Variants in ZBTB20 observed in about 807,000 individuals in gnomAD.
ZBTB20 encodes zinc finger and BTB domain-containing protein 20.
In ZBTB20, 9 loss-of-function variants were observed where a neutral mutation model predicts 56.9. The ratio of observed to expected loss-of-function variants is 0.16; its 90% CI spans 0.10 to 0.28. The LOEUF is 0.28. Ranked by LOEUF, ZBTB20 falls within the 10% of genes least tolerant of loss-of-function variation. The pLI is 1.00. For synonymous variants in ZBTB20, 417 were observed against 420.7 expected, an observed-to-expected ratio of 0.99 and a Z score of 0.11; for missense variants, 655 against 1,003.0, an observed-to-expected ratio of 0.65 and a Z score of 4.69.
At chr3:114,858,045 G>A (rs1010955419) in intron 4 of ZBTB20, among the ~76,000 whole-genome samples, 2 of 152,170 alleles carry the variant, frequency 1.3e-5, no homozygotes, top group Non-Finnish European at 2.9e-5. Flanking sequence ...CTACATAAGT[G>A]AATACAGTGC....
chr3:114,659,074 T>C (rs965929650), intron 6 of ZBTB20, among the ~76,000 whole-genome samples: 1 of 152,178 alleles, frequency 6.6e-6, no homozygotes, highest in African/African-American at 2.4e-5. Flanking sequence ...TTCCAATATT[T>C]TGTTTTGCTT....
At chr3:114,868,918 G>C (rs557433775) in intron 4 of ZBTB20, among the ~76,000 whole-genome samples, 7 of 152,110 alleles carry the variant, frequency 4.6e-5, no homozygotes, top group Non-Finnish European at 8.8e-5. Context: ...TACCCTAACA[G>C]TCATTTTTTT....
chr3:114,327,642 T>C lies in ZBTB20; in HGVS notation c.*11363A>G, dbSNP rs912677889. ...ATTTCATTGTTCTCTATGGTGTGAG[T>C]TGATGTTATAAACTGGTTTGATTAA... On this transcript the variant is annotated 3_prime_UTR_variant, in exon 12 of 12. Transcript: ENST00000675478. The C allele has an allele frequency of 2.6e-5, 4 of 152,136 alleles. No individual in the cohort carries two copies. The highest frequency in any genetic ancestry group is 9.7e-5 in the African/African-American group (4 of 41,424). The allele number at this position is 152,136 out of a possible 1,614,324, so 9.4% of individuals were successfully genotyped here.
intron 2 of ZBTB20, among the ~76,000 whole-genome samples, chr3:115,013,401 T>C (rs915987416): frequency 1.3e-5 from 2 of 151,530 alleles, no homozygotes; most frequent in Middle Eastern, 3.2e-3. Flanking sequence ...CTGCTATAAA[T>C]AGCTATATAG....
chr3:114,933,030 G>C (rs1227877563), intron 3 of ZBTB20, among the ~76,000 whole-genome samples: 1 of 152,114 alleles, frequency 6.6e-6, no homozygotes, highest in African/African-American at 2.4e-5. Context: ...GCAATGGGGA[G>C]AGACAGGCCC....
chr3:114,554,547 T>C (rs1368911501), intron 6 of ZBTB20, among the ~76,000 whole-genome samples: 1 of 152,172 alleles, frequency 6.6e-6, no homozygotes, highest in Non-Finnish European at 1.5e-5. Flanking sequence ...GAATATCTGA[T>C]GAAGAAAAAG....
intron 6 of ZBTB20, among the ~76,000 whole-genome samples, chr3:114,545,538 T>TAA (rs750719210): frequency 3.9e-5 from 6 of 152,164 alleles, no homozygotes; most frequent in Non-Finnish European, 8.8e-5. Flanking sequence ...TTCTCATTTG[T>TAA]AAATTAGGGA....
chr3:115,029,068 CACAT>C (rs1269041042), intron 2 of ZBTB20, among the ~76,000 whole-genome samples: 1 of 150,020 alleles, frequency 6.7e-6, no homozygotes, highest in Non-Finnish European at 1.5e-5. Context: ...TATACACACA[CACAT>C]ACACACACAC....
At chr3:114,440,763 T>C (rs917950035) in intron 7 of ZBTB20, among the ~76,000 whole-genome samples, 3 of 152,204 alleles carry the variant, frequency 2.0e-5, no homozygotes, top group Admixed American at 1.3e-4. Flanking sequence ...GGCTCTGAAG[T>C]GATACCATGG....
chr3:115,142,280 A>G (rs1395161309), intron 1 of ZBTB20, among the ~76,000 whole-genome samples: 1 of 152,180 alleles, frequency 6.6e-6, no homozygotes, highest in African/African-American at 2.4e-5. Context: ...ATGCAAACAC[A>G]CATCGATCAA....
intron 6 of ZBTB20, among the ~76,000 whole-genome samples, chr3:114,585,659 A>G (rs2107520343): frequency 6.6e-6 from 1 of 152,232 alleles, no homozygotes; most frequent in African/African-American, 2.4e-5. Context: ...CCTAATCCCT[A>G]GGCAGGTGGT....
chr3:114,346,471 A>T (rs1246889439), intron 11 of ZBTB20, among the ~76,000 whole-genome samples: 1 of 152,194 alleles, frequency 6.6e-6, no homozygotes, highest in Non-Finnish European at 1.5e-5. Context: ...AAATTAACTG[A>T]TTTGTTGAAG....
At chr3:114,934,955 A>G (rs1164030833) in intron 3 of ZBTB20, among the ~76,000 whole-genome samples, 1 of 152,180 alleles carries the variant, frequency 6.6e-6, no homozygotes, top group Non-Finnish European at 1.5e-5. Context: ...ATGTTTGTAG[A>G]ATGTAAAATA....
At chr3:114,616,190 C>T (rs1026708124) in intron 6 of ZBTB20, among the ~76,000 whole-genome samples, 2 of 152,210 alleles carry the variant, frequency 1.3e-5, no homozygotes, top group African/African-American at 4.8e-5. Context: ...CCATAATTTA[C>T]ACCTGGCTTG....
intron 7 of ZBTB20, among the ~76,000 whole-genome samples, chr3:114,467,084 G>C (rs2092585034): frequency 2.0e-5 from 3 of 152,158 alleles, no homozygotes; most frequent in Non-Finnish European, 4.4e-5. Flanking sequence ...GCAAGGGATA[G>C]GAAAGCACAA....
chr3:115,131,846 C>A (rs2084515211), intron 1 of ZBTB20, among the ~76,000 whole-genome samples: 1 of 151,964 alleles, frequency 6.6e-6, no homozygotes, highest in Admixed American at 6.6e-5. Context: ...TTAAAAAATC[C>A]ATCATTTTCC....
At chr3:114,462,850 G>T (rs993813210) in intron 7 of ZBTB20, among the ~76,000 whole-genome samples, 1 of 152,170 alleles carries the variant, frequency 6.6e-6, no homozygotes, top group Non-Finnish European at 1.5e-5. Context: ...CACCTCATAA[G>T]AAAGCTAACC....
At chr3:114,865,704 T>C (rs143154912) in intron 4 of ZBTB20, among the ~76,000 whole-genome samples, 26 of 152,326 alleles carry the variant, frequency 1.7e-4, no homozygotes, top group African/African-American at 6.3e-4. Flanking sequence ...TCACTAGATT[T>C]CATAAATCTT....
chr3:114,740,678 T>C (rs1262288374), intron 5 of ZBTB20, among the ~76,000 whole-genome samples: 1 of 152,206 alleles, frequency 6.6e-6, no homozygotes, highest in Non-Finnish European at 1.5e-5. Flanking sequence ...CATTATTCTG[T>C]GTTTATATAT....
Sources: gnomAD v4.1 joint callset for allele counts (sites outside exome capture counted in the v4.1 genomes callset) on GRCh38, gnomAD v4.1.1 for gene constraint, MANE v1.5 for transcripts, NCBI Gene and HGNC (gene_info 2026-07-23, HGNC 2026-07-21) for gene names.